The following MDH2 variants were observed in gnomAD, a reference collection of about 807,000 sequenced individuals.
MDH2 encodes the protein malate dehydrogenase, mitochondrial.
MDH2 carries 25 observed loss-of-function variants against 33.6 expected under a neutral mutation model. That is an observed-to-expected ratio of 0.74 (90% CI 0.54 to 1.04). The LOEUF (loss-of-function observed/expected upper bound fraction) is 1.04, where lower values mean the gene tolerates loss of function less well. Among genes scored for constraint, MDH2 ranks in the 50% least tolerant of loss-of-function variants. MDH2 has a pLI of 0.00. For missense variants in MDH2, 432 were observed against 445.0 expected (o/e 0.97, Z 0.26); for synonymous variants, 193 against 188.7 (o/e 1.02, Z -0.19).
chr7:76,064,040 T>C (rs1156785952), intron 6 of MDH2, among the ~76,000 whole-genome samples: 2 of 151,054 alleles, frequency 1.3e-5, no homozygotes, highest in East Asian at 3.9e-4. Context: ...AAAAAACAAA[T>C]GAGTAGGGGA....
rs1797414311 is a variant in MDH2 at position 76,048,516 on chromosome 7, C to T, written c.66+290C>T. 1.2e-5 allele frequency: 16 copies of T among 1,324,080 alleles called. No individual in the cohort carries two copies. The South Asian group carries it at 2.1e-4, about 17-fold the overall frequency. The allele number at this position is 1,324,080 out of a possible 1,614,324, so 82.0% of individuals were successfully genotyped here. ...GAGGACCTGCTCTTGGCTTGCACGCCTTCAAGGTTGGGAAACCAGGGCTCT... is the reference window on the plus strand; with the variant it reads ...GAGGACCTGCTCTTGGCTTGCACGCTTTCAAGGTTGGGAAACCAGGGCTCT... On this transcript the variant is annotated intron_variant, in intron 1 of 8. Coordinates refer to ENST00000315758, the MANE Select transcript of MDH2 (RefSeq NM_005918.4).
intron 5 of MDH2, 34 bp from the exon 6 acceptor site, chr7:76,063,481 G>A (rs782664378): frequency 1.2e-6 from 2 of 1,605,762 alleles, no homozygotes; most frequent in Non-Finnish European, 1.7e-6. Flanking sequence ...GAAAGAGCTT[G>A]TTAACTCATC....
intron 2 of MDH2, among the ~76,000 whole-genome samples, chr7:76,055,711 T>C (rs1797753186): frequency 6.8e-6 from 1 of 146,644 alleles, no homozygotes; most frequent in South Asian, 2.1e-4. Context: ...CACTTCAGCC[T>C]AGGTGAGATA....
intron 1 of MDH2, 86 bp from the exon 2 acceptor site, chr7:76,054,743 AG>A: frequency 6.8e-7 from 1 of 1,471,216 alleles, no homozygotes; most frequent in East Asian, 2.3e-5. Flanking sequence ...CAGTAAAAAG[AG>A]GCCCAGTGCA....
At chr7:76,048,946 C>G in intron 1 of MDH2, 1 of 858,728 alleles carries the variant, frequency 1.2e-6, no homozygotes, top group South Asian at 5.4e-5. Context: ...TAATAAAAAA[C>G]AGACGTCTGG....
Position 76,048,167 on chromosome 7 carries a change from TCCGCCCTCGC to T in MDH2, c.11_20del (p.Ala4GlyfsTer21). 6.5e-7 allele frequency: 1 copy of T among 1,536,486 alleles called. No individual in the cohort carries two copies. Among genetic ancestry groups the T allele is most frequent in the Non-Finnish European group, 8.7e-7 (1 of 1,146,554 alleles). ...TGCCCCTCCCGCTCCAGCCATGCTC[TCCGCCCTCGC>T]CCGGCCTGCCAGCGCTGCTCTCCGC... On this transcript the variant is annotated frameshift_variant, in exon 1 of 9. Coordinates refer to ENST00000315758, the MANE Select transcript of MDH2 (RefSeq NM_005918.4). LOFTEE classifies it high-confidence loss of function.
In MDH2 at chr7:76,066,291, G is replaced by A. The variant is rs373091398; in HGVS notation, c.898G>A (p.Glu300Lys). Residue 300 changes from glutamate (E) to lysine (K), a missense_variant, in exon 9 of 9, where the codon GAG becomes AAG. Glu to Lys is a moderately conservative substitution (Grantham distance 56, BLOSUM62 1). Transcript: ENST00000315758. ...TPLLLGKKGI[E>K]KNLGIGKVSS... Reference sequence around the variant, plus strand: ...CCATCTCCCTCAGAAAAAGGGCATCGAGAAGAACCTGGGCATCGGCAAAGT... The same window carrying A: ...CCATCTCCCTCAGAAAAAGGGCATCAAGAAGAACCTGGGCATCGGCAAAGT... 9.3e-6 allele frequency: 15 copies of A among 1,608,110 alleles called. No individual in the cohort carries two copies. The highest frequency in any genetic ancestry group is 2.2e-5 in the East Asian group (1 of 44,724).
rs781958562 is a variant in MDH2 at position 76,063,598 on chromosome 7, C to T, written c.633+6C>T. On this transcript the variant is annotated splice_donor_region_variant and intron_variant, in intron 6 of 8. Coordinates refer to ENST00000315758, the MANE Select transcript of MDH2 (RefSeq NM_005918.4). Reference sequence around the variant, plus strand: ...TCATCCCCCTGATCTCTCAGGTACACGCATATGACCCTGTGAGGGGCTTCG... The same window carrying T: ...TCATCCCCCTGATCTCTCAGGTACATGCATATGACCCTGTGAGGGGCTTCG... 34 of 1,613,324 alleles carry T rather than the reference C, an allele frequency of 2.1e-5. No homozygotes were observed. Among genetic ancestry groups the T allele is most frequent in the East Asian group, 1.1e-4 (5 of 44,890 alleles).
Position 76,060,403 on chromosome 7 carries a change from G to A in MDH2, c.460G>A (p.Val154Ile). The A allele has an allele frequency of 6.2e-7, 1 of 1,614,174 alleles. No individual in the cohort carries two copies. The highest frequency in any genetic ancestry group is 1.7e-5 in the Admixed American group (1 of 60,016). ...TTCCACCATCCCCATCACAGCAGAA[G>A]TTTTCAAGAAGCATGGAGTGTACAA... ...VNSTIPITAE[V>I]FKKHGVYNPN... Residue 154 changes from valine to isoleucine, a missense_variant, in exon 5 of 9, where the codon GTT becomes ATT. Transcript: ENST00000315758.
intron 6 of MDH2, 98 bp downstream of exon 6, chr7:76,063,690 A>G: frequency 7.9e-7 from 1 of 1,268,160 alleles, no homozygotes; most frequent in East Asian, 2.4e-5. Context: ...AGGCCTGGCC[A>G]CGTGCCAGGT....
rs923122072 is a variant in MDH2 at position 76,048,240 on chromosome 7, G to T, written c.66+14G>T. 3.3e-5 allele frequency: 50 copies of T among 1,531,306 alleles called. No individual in the cohort carries two copies. The highest frequency in any genetic ancestry group is 4.3e-5 in the Non-Finnish European group (49 of 1,144,502). The allele number at this position is 1,531,306 out of a possible 1,614,324, so 94.9% of individuals were successfully genotyped here. A position where few individuals can be genotyped will look rare whatever the true frequency, so the allele number is the denominator to read the frequency against. ...ACCTCGGCCCAGGTAGGCCAGACGA[G>T]GGGCGGCCTGCAGGCGGAGGCCCCC... On this transcript the variant is annotated intron_variant, in intron 1 of 8. Coordinates refer to ENST00000315758, the MANE Select transcript of MDH2 (RefSeq NM_005918.4).
In MDH2 at chr7:76,064,873, A is replaced by G. The variant is rs1554587621; in HGVS notation, c.805A>G (p.Lys269Glu). The G allele has an allele frequency of 3.7e-6, 6 of 1,614,132 alleles. No homozygotes were observed. The highest frequency in any genetic ancestry group is 1.3e-5 in the African/African-American group (1 of 75,034). Residue 269 changes from lysine (K) to glutamate (E), a missense_variant, in exon 8 of 9, where the codon AAG becomes GAG. By Grantham distance (56) the Lys-to-Glu change is moderately conservative. Transcript: ENST00000315758. ...VFSLVDAMNGKEGVVECSFVK... is the reference protein window; with the variant it reads ...VFSLVDAMNGEEGVVECSFVK... ...CTCCCTTGTGGATGCAATGAATGGA[A>G]AGGAAGGTGTTGTGGAATGTTCCTT...
chr7:76,048,988 G>A (rs60612185), intron 1 of MDH2: 2 of 44,966 alleles, frequency 4.4e-5, no homozygotes, highest in African/African-American at 2.1e-4. Context: ...CTGCGGGGGG[G>A]GGGGGGGGGG....
At chr7:76,062,927 A>G (rs1554587220) in intron 5 of MDH2, among the ~76,000 whole-genome samples, 2 of 152,178 alleles carry the variant, frequency 1.3e-5, no homozygotes, top group Non-Finnish European at 1.5e-5. Context: ...CCTGGTTCAC[A>G]GATTCTTGGG....
chr7:76,052,970 T>G (rs895062666), intron 1 of MDH2, among the ~76,000 whole-genome samples: 1 of 152,144 alleles, frequency 6.6e-6, no homozygotes, highest in Non-Finnish European at 1.5e-5. Flanking sequence ...GCCTTCTGAG[T>G]AGCTGGGACT....
Position 76,064,786 on chromosome 7 carries a change from G to T in MDH2, c.734-16G>T. The T allele has an allele frequency of 6.2e-7, 1 of 1,611,148 alleles. No individual in the cohort carries two copies. ...TTTGTGGCACCAGCCAGGCTGACCT[G>T]TCTGTGCCCCCCTAGGCTCTGCCAC... On this transcript the variant is annotated splice_polypyrimidine_tract_variant and intron_variant, in intron 7 of 8. Coordinates refer to ENST00000315758, the MANE Select transcript of MDH2 (RefSeq NM_005918.4).
At chr7:76,054,734 A>G in intron 1 of MDH2, 96 bp from the exon 2 acceptor site, 11 of 1,375,832 alleles carry the variant, frequency 8.0e-6, no homozygotes, top group Non-Finnish European at 1.1e-5. Context: ...TGGCAACTGC[A>G]GTAAAAAGAG....
chr7:76,058,368 C>T (rs1797848474), intron 4 of MDH2, among the ~76,000 whole-genome samples: 1 of 152,170 alleles, frequency 6.6e-6, no homozygotes, highest in Admixed American at 6.6e-5. Flanking sequence ...AAGAGAAGTC[C>T]ATTCTCAAGG....
Position 76,057,436 on chromosome 7 carries a change from G to A in MDH2, c.262G>A (p.Asp88Asn), listed in dbSNP as rs782765868. Residue 88 changes from aspartate to asparagine, a missense_variant, in exon 3 of 9, where the codon GAC becomes AAC. Physicochemically the swap from Asp to Asn is conservative, Grantham distance 23. Coordinates refer to ENST00000315758, the MANE Select transcript of MDH2 (RefSeq NM_005918.4). ...CTACCTCGGACCTGAACAGCTGCCT[G>A]ACTGCCTGAAAGGTTGTGATGTGGT... ...KGYLGPEQLP[D>N]CLKGCDVVVI... The A allele has an allele frequency of 2.9e-5, 47 of 1,614,070 alleles. 1 individual carries two copies. In the South Asian group the frequency reaches 4.9e-4, roughly 17 times the overall value.
Sources: allele counts gnomAD v4.1 joint callset (sites outside exome capture counted in the v4.1 genomes callset), GRCh38; gene constraint gnomAD v4.1.1; transcripts MANE v1.5; gene names NCBI Gene and HGNC (gene_info 2026-07-23, HGNC 2026-07-21).